EPHB1: variants seen among roughly 807,000 people sequenced by gnomAD.
EPHB1 encodes the protein ephrin type-B receptor 1.
A neutral mutation model predicts 94.4 loss-of-function variants in EPHB1; 30 were observed. That is an observed-to-expected ratio of 0.32 (90% confidence interval 0.24 to 0.43). The LOEUF is 0.43. Ranked by LOEUF, EPHB1 falls within the 20% of genes least tolerant of loss-of-function variation. The pLI is 1.00. For synonymous variants in EPHB1, 522 were observed against 489.1 expected (o/e 1.07, Z -0.89); for missense variants, 1,055 against 1,308.3 (o/e 0.81, Z 2.99).
chr3:135,058,275 T>G (rs1937400227), intron 3 of EPHB1, among the ~76,000 whole-genome samples: 1 of 152,198 alleles, frequency 6.6e-6, no homozygotes, highest in Non-Finnish European at 1.5e-5. Context: ...ATCAGAGCAC[T>G]AATATTTGAC....
At chr3:135,124,443 C>T (rs984554929) in intron 4 of EPHB1, among the ~76,000 whole-genome samples, 7 of 151,760 alleles carry the variant, frequency 4.6e-5, no homozygotes, top group Admixed American at 1.3e-4. Context: ...TCACTGTCTT[C>T]ACATTCATCA....
chr3:135,021,898 A>C (rs1275879503), intron 3 of EPHB1, among the ~76,000 whole-genome samples: 1 of 152,242 alleles, frequency 6.6e-6, no homozygotes, highest in African/African-American at 2.4e-5. Flanking sequence ...AACTGACATG[A>C]AATTTTGATT....
At chr3:135,152,158 AT>A (rs1304616137) in intron 5 of EPHB1, among the ~76,000 whole-genome samples, 9 of 151,304 alleles carry the variant, frequency 5.9e-5, no homozygotes, top group South Asian at 4.2e-4. Context: ...ATATTTGACT[AT>A]TTTTTTTTCA....
chr3:134,864,999 A>G (rs1165225650), intron 1 of EPHB1, among the ~76,000 whole-genome samples: 1 of 152,150 alleles, frequency 6.6e-6, no homozygotes, highest in East Asian at 1.9e-4. Context: ...TTTTCCTCAG[A>G]TTCTCAAAAA....
At chr3:135,171,495 A>G (rs1941800004) in intron 9 of EPHB1, among the ~76,000 whole-genome samples, 1 of 152,204 alleles carries the variant, frequency 6.6e-6, no homozygotes, top group Non-Finnish European at 1.5e-5. Flanking sequence ...TGGAGAGCAT[A>G]ACTAACACCA....
At chr3:135,213,440 ATTCCCATGC>A (rs1409316297) in intron 12 of EPHB1, among the ~76,000 whole-genome samples, 7 of 152,208 alleles carry the variant, frequency 4.6e-5, no homozygotes, top group Admixed American at 4.6e-4. Flanking sequence ...TCAAATAAAC[ATTCCCATGC>A]TTCTGTTATA....
At chr3:134,869,617 C>T (rs749986952) in intron 1 of EPHB1, among the ~76,000 whole-genome samples, 1 of 152,220 alleles carries the variant, frequency 6.6e-6, no homozygotes. Flanking sequence ...ATTTCCACCT[C>T]TAGCTTCTTT....
chr3:134,932,029 TTG>T (rs56801637), intron 2 of EPHB1, among the ~76,000 whole-genome samples: 12,065 of 148,620 alleles, frequency 0.081, 515 homozygotes, highest in African/African-American at 0.11. Context: ...GTGTGTGTGT[TTG>T]TGTGTGTGTG....
intron 3 of EPHB1, among the ~76,000 whole-genome samples, chr3:134,972,125 T>C (rs1303872703): frequency 6.6e-6 from 1 of 152,114 alleles, no homozygotes; most frequent in Non-Finnish European, 1.5e-5. Context: ...GCCTCTCCCC[T>C]GTGTGGGCCA....
chr3:135,201,429 A>T, intron 11 of EPHB1, 45 bp from the exon 12 acceptor site: 1 of 1,600,300 alleles, frequency 6.2e-7, no homozygotes, highest in East Asian at 2.2e-5. Flanking sequence ...CTGCTTAACC[A>T]TTGAAGCCCG....
intron 1 of EPHB1, among the ~76,000 whole-genome samples, chr3:134,905,652 T>G (rs1205056911): frequency 1.3e-5 from 2 of 152,060 alleles, no homozygotes; most frequent in Admixed American, 6.6e-5. Context: ...GCCTGTGGAG[T>G]ACACCACACT....
At chr3:135,192,999 G>A (rs750660563) in intron 11 of EPHB1, among the ~76,000 whole-genome samples, 176 bp downstream of exon 11, 1 of 152,130 alleles carries the variant, frequency 6.6e-6, no homozygotes, top group Non-Finnish European at 1.5e-5. Flanking sequence ...AGGGCTTGTG[G>A]GATCCTCAGG....
At chr3:134,893,133 G>A (rs553601715) in intron 1 of EPHB1, among the ~76,000 whole-genome samples, 1 of 152,262 alleles carries the variant, frequency 6.6e-6, no homozygotes, top group South Asian at 2.1e-4. Flanking sequence ...CCTGTAATAT[G>A]GCCCTGGGTG....
Position 134,989,518 on chromosome 3 carries a change from CACAT to C in EPHB1, c.805+37468_805+37471del, listed in dbSNP as rs58165565. ...GCGTGCACACACACACACACACACA[CACAT>C]ATATGTGAATGACTCAAAATAATCC... On this transcript the variant is annotated intron_variant, in intron 3 of 15. Coordinates refer to ENST00000398015, the MANE Select transcript of EPHB1 (RefSeq NM_004441.5). Among the ~76,000 whole-genome samples the C allele has an allele frequency of 5.1e-3, 771 of 152,052 alleles. 6 individuals are homozygous for C. Among genetic ancestry groups the C allele is most frequent in the African/African-American group, 0.018 (741 of 41,422 alleles).
chr3:134,985,911 T>A (rs777966624), intron 3 of EPHB1, among the ~76,000 whole-genome samples: 2 of 152,140 alleles, frequency 1.3e-5, no homozygotes, highest in Non-Finnish European at 2.9e-5. Flanking sequence ...GGCTTATTCA[T>A]AATAGCAAAT....
At chr3:135,169,596 C>T (rs767968046) in intron 9 of EPHB1, among the ~76,000 whole-genome samples, 22 of 152,200 alleles carry the variant, frequency 1.4e-4, no homozygotes, top group Admixed American at 2.0e-4. Context: ...GTAGAGCTGG[C>T]GGATGGCTCA....
chr3:134,996,574 C>T (rs182956929), intron 3 of EPHB1, among the ~76,000 whole-genome samples: 4,033 of 152,218 alleles, frequency 0.026, 86 homozygotes, highest in South Asian at 0.064. Flanking sequence ...AATAAAAATT[C>T]CCAATGGCTG....
In EPHB1 at chr3:134,798,481, C is replaced by T. The variant is rs970352145; in HGVS notation, c.58+2792C>T. On this transcript the variant is annotated intron_variant, in intron 1 of 15. Transcript: ENST00000398015. The stretch of plus-strand genomic sequence containing the variant: ...AAAAAAAGCTCCTCTTCCCTCCTTT[C>T]CCCCCACACTCCCGCATTTCCAGCC... Among the ~76,000 whole-genome samples, 22 of 152,128 alleles carry T rather than the reference C, an allele frequency of 1.4e-4. 1 individual carries two copies. The highest frequency in any genetic ancestry group is 4.1e-4 in the African/African-American group (17 of 41,418).
chr3:134,909,913 CT>C (rs1385694893), intron 1 of EPHB1, among the ~76,000 whole-genome samples: 1 of 152,178 alleles, frequency 6.6e-6, no homozygotes, highest in African/African-American at 2.4e-5. Flanking sequence ...AGGTACAAGC[CT>C]CAGACTTCAG....
Sources: allele counts gnomAD v4.1 joint callset (sites outside exome capture counted in the v4.1 genomes callset), GRCh38; gene constraint gnomAD v4.1.1; transcripts MANE v1.5; gene names NCBI Gene and HGNC (gene_info 2026-07-23, HGNC 2026-07-21).